The following MAPK10 variants were observed in gnomAD, a reference collection of about 807,000 sequenced individuals.
MAPK10 encodes the protein JNK3 alpha protein kinase.
In MAPK10, 25 loss-of-function variants were observed where a neutral mutation model predicts 59.3. The observed-to-expected ratio is 0.42, with a 90% CI of 0.31 to 0.59. The LOEUF (loss-of-function observed/expected upper bound fraction) is 0.59, where lower values mean the gene tolerates loss of function less well. Among genes scored for constraint, MAPK10 ranks in the 20% least tolerant of loss-of-function variants. The pLI is 0.15. For synonymous variants in MAPK10, 190 were observed against 200.5 expected (o/e 0.95, Z 0.44); for missense variants, 351 against 568.9 (o/e 0.62, Z 3.90).
At chr4:86,348,837 C>T (rs1211307990) in intron 2 of MAPK10, among the ~76,000 whole-genome samples, 3 of 152,212 alleles carry the variant, frequency 2.0e-5, no homozygotes, top group South Asian at 2.1e-4. Context: ...CACTCTCTAG[C>T]GCTGCCACCC....
intron 1 of MAPK10, among the ~76,000 whole-genome samples, chr4:86,579,612 T>G (rs560296992): frequency 6.6e-6 from 1 of 152,160 alleles, no homozygotes; most frequent in African/African-American, 2.4e-5. Context: ...TAAAATGTTT[T>G]GGGATACAAT....
At chr4:86,018,926 G>A (rs2575673) in intron 13 of MAPK10, among the ~76,000 whole-genome samples, 32,063 of 151,948 alleles carry the variant, frequency 0.21, 4,062 homozygotes, top group African/African-American at 0.35. Context: ...ATTAAGGAAG[G>A]GGAGTGGTTA....
At chr4:86,223,804 A>C (rs2090109700) in intron 2 of MAPK10, among the ~76,000 whole-genome samples, 1 of 151,486 alleles carries the variant, frequency 6.6e-6, no homozygotes, top group Non-Finnish European at 1.5e-5. Flanking sequence ...CCAACCCCCT[A>C]ACCACAGTAA....
At chr4:86,575,998 C>CGT (rs56886437) in intron 1 of MAPK10, among the ~76,000 whole-genome samples, 5,468 of 147,320 alleles carry the variant, frequency 0.037, 192 homozygotes, top group African/African-American at 0.094. Flanking sequence ...TGTGTGTATG[C>CGT]GTGTGTGTGT....
chr4:86,493,858 A>G (rs1174906247), intron 1 of MAPK10, among the ~76,000 whole-genome samples: 1 of 152,138 alleles, frequency 6.6e-6, no homozygotes, highest in Admixed American at 6.5e-5. Flanking sequence ...TCCAATACCC[A>G]AGAGAAGGTA....
At chr4:86,174,616 T>A (rs1161034560) in intron 3 of MAPK10, among the ~76,000 whole-genome samples, 3 of 152,060 alleles carry the variant, frequency 2.0e-5, no homozygotes, top group East Asian at 1.9e-4. Flanking sequence ...TTAAATTAAA[T>A]TTTTTTAAAA....
chr4:86,358,269 A>C (rs779068652), intron 1 of MAPK10: 544 of 985,444 alleles, frequency 5.5e-4, no homozygotes, highest in Non-Finnish European at 6.1e-4. Flanking sequence ...AACTATTTTA[A>C]ATATGTTGAT....
Position 86,312,493 on chromosome 4 carries a change from A to G in MAPK10, c.-7+42037T>C, listed in dbSNP as rs575421674. Reference sequence around the variant, plus strand: ...GACTTCTGGTTGAAAGGTGAATAGCAAATGTATTACATTGTATCTGGAATA... The same window carrying G: ...GACTTCTGGTTGAAAGGTGAATAGCGAATGTATTACATTGTATCTGGAATA... On this transcript the variant is annotated intron_variant, in intron 2 of 13. Transcript: ENST00000641462. 2.0e-3 allele frequency among the ~76,000 whole-genome samples: 312 copies of G among 152,226 alleles called. 1 individual carries two copies. Among genetic ancestry groups the G allele is most frequent in the African/African-American group, 7.3e-3 (303 of 41,556 alleles).
intron 3 of MAPK10, among the ~76,000 whole-genome samples, 169 bp from the exon 4 acceptor site, chr4:86,159,636 C>T (rs890674729): frequency 1.3e-5 from 2 of 151,760 alleles, no homozygotes. Context: ...AAGATTACCT[C>T]GAGTAAAAGA....
chr4:86,224,153 T>C (rs1444938271), intron 2 of MAPK10, among the ~76,000 whole-genome samples: 2 of 152,230 alleles, frequency 1.3e-5, no homozygotes, highest in African/African-American at 4.8e-5. Context: ...ACTGTTTCAA[T>C]GTTTTCATGT....
intron 9 of MAPK10, chr4:86,089,543 AT>A: frequency 3.1e-6 from 1 of 322,900 alleles, no homozygotes; most frequent in Non-Finnish European, 5.6e-6. Flanking sequence ...TTATAACTCA[AT>A]GATTAATTTA....
In MAPK10 at chr4:86,070,686, C is replaced by A. The variant is rs767018982; in HGVS notation, c.803-2731G>T. 5.6e-3 allele frequency among the ~76,000 whole-genome samples: 851 copies of A among 151,196 alleles called. 10 individuals carry two copies. The highest frequency in any genetic ancestry group is 0.011 in the Admixed American group (171 of 15,196). ...AATAGTTTACTGAGAATGATGATTT[C>A]CAGTTTCATCCATGTCCCTACAAAG... is the stretch of plus-strand genomic sequence containing the variant. On this transcript the variant is annotated intron_variant, in intron 9 of 13. Coordinates refer to ENST00000641462, the MANE Select transcript of MAPK10 (RefSeq NM_138982.4).
intron 2 of MAPK10, among the ~76,000 whole-genome samples, chr4:86,317,636 C>G (rs1578161942): frequency 6.6e-6 from 1 of 152,260 alleles, no homozygotes; most frequent in East Asian, 1.9e-4. Flanking sequence ...CATATTAATT[C>G]TAACATATTA....
At position 86,331,694 on chromosome 4, in the gene MAPK10, G is replaced by A. The variant is rs115144819; in HGVS notation, c.-7+22836C>T. Among the ~76,000 whole-genome samples the A allele has an allele frequency of 9.1e-3, 1,379 of 152,200 alleles. 13 individuals are homozygous for A. The highest frequency in any genetic ancestry group is 0.015 in the Non-Finnish European group (1,041 of 68,010). ...GTTTTTCATCCAACAAAGAATATTCGCTATGAATTTTCTCAAGCAAAAAGT... is the reference window on the plus strand; with the variant it reads ...GTTTTTCATCCAACAAAGAATATTCACTATGAATTTTCTCAAGCAAAAAGT... On this transcript the variant is annotated intron_variant, in intron 2 of 13. Transcript: ENST00000641462.
chr4:86,511,699 AAGG>A (rs140122360), intron 1 of MAPK10, among the ~76,000 whole-genome samples: 7,147 of 145,788 alleles, frequency 0.049, 236 homozygotes, highest in African/African-American at 0.063. Flanking sequence ...GAAGAAGAAG[AAGG>A]AGGAGGAGGA....
In MAPK10 at chr4:86,016,125, C is replaced by T. The variant is rs1247944307; in HGVS notation, c.*1103G>A. On this transcript the variant is annotated 3_prime_UTR_variant, in exon 14 of 14. Transcript: ENST00000641462. The stretch of plus-strand genomic sequence containing the variant: ...CACATGGAGGCAATTCTGCTCAGTT[C>T]CAGAGAGAGATTCTTATCATCAAAA... 3.9e-5 allele frequency: 6 copies of T among 152,112 alleles called. No individual in the cohort carries two copies. The highest frequency in any genetic ancestry group is 1.4e-4 in the African/African-American group (6 of 41,410). The allele number at this position is 152,112 out of a possible 1,614,324, so 9.4% of individuals were successfully genotyped here.
chr4:86,139,216 C>T (rs1434155657), intron 4 of MAPK10, among the ~76,000 whole-genome samples: 2 of 146,850 alleles, frequency 1.4e-5, no homozygotes, highest in Non-Finnish European at 3.0e-5. Context: ...AAAGAGCCCG[C>T]ATCGCCAAGT....
chr4:86,221,744 C>A (rs2148642744), intron 2 of MAPK10, among the ~76,000 whole-genome samples: 1 of 152,194 alleles, frequency 6.6e-6, no homozygotes, highest in South Asian at 2.1e-4. Flanking sequence ...TTCAAGGGAC[C>A]CACCCACCTC....
chr4:86,503,179 G>A (rs1564958118), intron 1 of MAPK10, among the ~76,000 whole-genome samples: 1 of 152,100 alleles, frequency 6.6e-6, no homozygotes, highest in Non-Finnish European at 1.5e-5. Flanking sequence ...TCTGAATTCT[G>A]TTAATGCAAC....
Sources: gnomAD v4.1 joint callset for allele counts (sites outside exome capture counted in the v4.1 genomes callset) on GRCh38, gnomAD v4.1.1 for gene constraint, MANE v1.5 for transcripts, NCBI Gene and HGNC (gene_info 2026-07-23, HGNC 2026-07-21) for gene names.